The following HIVEP1 variants were observed in gnomAD, a reference collection of about 807,000 sequenced individuals.
The protein encoded by HIVEP1 is zinc finger protein 40.
A neutral mutation model predicts 180.0 loss-of-function variants in HIVEP1; 36 were observed. The observed-to-expected ratio is 0.20, with a 90% confidence interval of 0.15 to 0.26. The LOEUF (loss-of-function observed/expected upper bound fraction) is 0.26. Ranked by LOEUF, HIVEP1 falls within the 10% of genes least tolerant of loss-of-function variation. HIVEP1 has a pLI of 1.00. For synonymous variants in HIVEP1, 1,239 were observed against 1,239.0 expected (o/e 1.00, Z 0.00); for missense variants, 3,143 against 3,268.7 (o/e 0.96, Z 0.94).
rs539481135 is a variant in HIVEP1 at position 12,160,564 on chromosome 6, T to C, written c.6488-875T>C. 5.3e-5 allele frequency among the ~76,000 whole-genome samples: 8 copies of C among 152,048 alleles called. No homozygotes were observed. In the East Asian group the frequency reaches 1.5e-3, roughly 29 times the overall value. ...AGCTGCCCAGATGACTCACCCAAAC[T>C]GCTTGCTTGGCCTTTGTTACAGGCA... On this transcript the variant is annotated intron_variant, in intron 7 of 8. Transcript: ENST00000379388.
At position 12,120,880 on chromosome 6, in the gene HIVEP1, C is replaced by T. The variant is rs34221818; in HGVS notation, c.1085C>T (p.Pro362Leu). The change falls in exon 4 of 9, where the codon CCG (proline) becomes CTG (leucine). Residue 362 changes from proline to leucine, a missense_variant. Physicochemically the swap from Pro to Leu is moderately conservative, Grantham distance 98. Transcript: ENST00000379388. ...MDSASPLSIS[P>L]ANSTQSPPMP... ...TCTGCTTCACCTTTGTCAATAAGTC[C>T]GGCTAATTCTACACAGTCGCCCCCC... is the stretch of plus-strand genomic sequence containing the variant. 3,708 of 1,614,122 alleles carry T rather than the reference C, an allele frequency of 2.3e-3. 74 individuals carry two copies. The African/African-American group carries it at 0.042, about 18-fold the overall frequency.
intron 7 of HIVEP1, among the ~76,000 whole-genome samples, chr6:12,139,575 T>C (rs1006782868): frequency 1.3e-5 from 2 of 152,182 alleles, no homozygotes; most frequent in Non-Finnish European, 2.9e-5. Flanking sequence ...GGATTTCCCT[T>C]TCCTAGCCAA....
At chr6:12,113,347 A>T (rs1326782167) in intron 3 of HIVEP1, among the ~76,000 whole-genome samples, 1 of 151,736 alleles carries the variant, frequency 6.6e-6, no homozygotes, top group East Asian at 1.9e-4. Flanking sequence ...AGTTGGGTGT[A>T]GGGAGGGCTT....
the HIVEP1 span, among the ~76,000 whole-genome samples, chr6:12,177,612 A>T: frequency 0.24 from 35,975 of 152,094 alleles, 4,915 homozygotes; most frequent in Non-Finnish European, 0.31. Context: ...TTATTGTTGC[A>T]TTGATTGTTA....
rs1365951058 is a variant in HIVEP1, at chr6:12,125,491, G to C, written c.5696G>C (p.Gly1899Ala). The C allele has an allele frequency of 1.9e-6, 3 of 1,613,912 alleles. No individual in the cohort carries two copies. The highest frequency in any genetic ancestry group is 1.7e-6 in the Non-Finnish European group (2 of 1,179,940). The change falls in exon 4 of 9, where the codon GGG (glycine) becomes GCG (alanine). Residue 1899 changes from glycine to alanine, a missense_variant. Physicochemically the swap from Gly to Ala is moderately conservative, Grantham distance 60 (BLOSUM62 0). Transcript: ENST00000379388. ...AATAACCAAGAAAGGAAGTCTCCAG[G>C]GGTTAAAAATCAAGGTGACAAAGTG... Reference protein sequence around the residue: ...TDNNQERKSPGVKNQGDKVNI... With the variant: ...TDNNQERKSPAVKNQGDKVNI...
Position 12,124,997 on chromosome 6 carries a change from T to G in HIVEP1, c.5202T>G (p.Leu1734=), listed in dbSNP as rs773232479. The G allele has an allele frequency of 2.5e-6, 4 of 1,614,214 alleles. No individual in the cohort carries two copies. The South Asian group carries it at 4.4e-5, about 18-fold the overall frequency. Residue 1734 remains leucine (L), a synonymous_variant, in exon 4 of 9, where the codon CTT becomes CTG. Transcript: ENST00000379388. ...PITQKISVGR[L]SPQQESSASS... is the part of the protein sequence containing the mutation. Reference sequence around the variant, plus strand: ...CTCAGAAAATATCTGTTGGTCGACTTTCCCCTCAACAAGAATCTTCAGCTT... The same window carrying G: ...CTCAGAAAATATCTGTTGGTCGACTGTCCCCTCAACAAGAATCTTCAGCTT...
rs1476615770 is a variant in HIVEP1, at chr6:12,124,406, T to C, written c.4611T>C (p.Gly1537=). 6.2e-7 allele frequency: 1 copy of C among 1,614,032 alleles called. No individual in the cohort carries two copies. Among genetic ancestry groups the C allele is most frequent in the Admixed American group, 1.7e-5 (1 of 60,022 alleles). Reference sequence around the variant, plus strand: ...TATCTCTGCAAGTGTCTACGCAGGGTAGCAAGCCAGATAAAAATTCTGTTT... The same window carrying C: ...TATCTCTGCAAGTGTCTACGCAGGGCAGCAAGCCAGATAAAAATTCTGTTT... The part of the protein sequence containing the change: ...TQLSLQVSTQ[G]SKPDKNSVLS... Residue 1537 remains glycine, a synonymous_variant, in exon 4 of 9, where the codon GGT becomes GGC. Coordinates refer to ENST00000379388, the MANE Select transcript of HIVEP1 (RefSeq NM_002114.4).
chr6:12,029,903 C>A (rs916461804), intron 2 of HIVEP1, among the ~76,000 whole-genome samples: 1 of 152,170 alleles, frequency 6.6e-6, no homozygotes, highest in Non-Finnish European at 1.5e-5. Context: ...TCCTCTTCTT[C>A]TATGGATTCA....
chr6:12,080,547 G>A (rs1228648063), intron 2 of HIVEP1, among the ~76,000 whole-genome samples: 1 of 152,108 alleles, frequency 6.6e-6, no homozygotes, highest in African/African-American at 2.4e-5. Context: ...GTGTGTCTGT[G>A]TACATTTTGT....
the HIVEP1 span, among the ~76,000 whole-genome samples, chr6:12,189,386 G>A: frequency 6.6e-6 from 1 of 151,872 alleles, no homozygotes; most frequent in African/African-American, 2.4e-5. Context: ...AATACAACAT[G>A]CAAAATGAGT....
intron 3 of HIVEP1, among the ~76,000 whole-genome samples, chr6:12,090,218 A>G (rs1773380468): frequency 6.6e-6 from 1 of 152,168 alleles, no homozygotes; most frequent in Non-Finnish European, 1.5e-5. Context: ...TTGTGGGCAA[A>G]TAAAGTTCTC....
intron 2 of HIVEP1, among the ~76,000 whole-genome samples, chr6:12,084,506 T>A (rs1772990488): frequency 6.6e-6 from 1 of 152,186 alleles, no homozygotes; most frequent in Admixed American, 6.5e-5. Context: ...AATGGCTGTG[T>A]GTGCTGGATA....
At chr6:12,019,427 A>C (rs1402062639) in intron 2 of HIVEP1, among the ~76,000 whole-genome samples, 2 of 152,196 alleles carry the variant, frequency 1.3e-5, no homozygotes, top group African/African-American at 4.8e-5. Flanking sequence ...ACAGTTTGGA[A>C]TATCAGGTTT....
chr6:12,056,609 C>G (rs2113737180), intron 2 of HIVEP1, among the ~76,000 whole-genome samples: 1 of 152,130 alleles, frequency 6.6e-6, no homozygotes, highest in Admixed American at 6.5e-5. Context: ...GATTTTGTTT[C>G]TTTACAATTT....
chr6:12,050,551 A>G (rs1190626222), intron 2 of HIVEP1, among the ~76,000 whole-genome samples: 1 of 151,488 alleles, frequency 6.6e-6, no homozygotes, highest in African/African-American at 2.4e-5. Context: ...ACGCCACTAC[A>G]CTCCAGCCTG....
At chr6:12,171,867 T>C in the HIVEP1 span, among the ~76,000 whole-genome samples, 1 of 152,216 alleles carries the variant, frequency 6.6e-6, no homozygotes, top group Non-Finnish European at 1.5e-5. Context: ...TCTAGTATGA[T>C]TCACGCCAAT....
intron 2 of HIVEP1, among the ~76,000 whole-genome samples, chr6:12,077,535 T>C (rs534995631): frequency 3.7e-4 from 56 of 152,226 alleles, no homozygotes; most frequent in African/African-American, 1.2e-3. Flanking sequence ...TAAGGAGCCT[T>C]CTCAGGGAAT....
chr6:12,193,682 G>T, the HIVEP1 span, among the ~76,000 whole-genome samples: 1 of 152,142 alleles, frequency 6.6e-6, no homozygotes, highest in Non-Finnish European at 1.5e-5. Context: ...TTAATGACAA[G>T]CTAAGACACT....
chr6:12,038,678 GACA>G (rs141462262), intron 2 of HIVEP1: 1,958 of 151,808 alleles, frequency 0.013, 13 homozygotes, highest in Middle Eastern at 0.02. Flanking sequence ...TCTCAACAAC[GACA>G]ACAACAACAA....
Sources: gnomAD v4.1 joint callset for allele counts (sites outside exome capture counted in the v4.1 genomes callset) on GRCh38, gnomAD v4.1.1 for gene constraint, MANE v1.5 for transcripts, NCBI Gene and HGNC (gene_info 2026-07-23, HGNC 2026-07-21) for gene names.